The following NBAS variants were observed in gnomAD, a reference collection of about 807,000 sequenced individuals.
NBAS encodes NBAS subunit of NRZ tethering complex.
A neutral mutation model predicts 302.5 loss-of-function variants in NBAS; 219 were observed. That is an observed-to-expected ratio of 0.72 (90% CI 0.65 to 0.81). NBAS has a LOEUF of 0.81. NBAS is among the 30% of genes least tolerant of loss of function. NBAS has a pLI of 0.00. For synonymous variants in NBAS, 1,118 were observed against 1,021.6 expected (o/e 1.09, Z -1.80); for missense variants, 2,932 against 2,841.6 (o/e 1.03, Z -0.72).
the NBAS span, among the ~76,000 whole-genome samples, chr2:15,100,903 A>C: frequency 6.6e-6 from 1 of 152,244 alleles, no homozygotes. Flanking sequence ...TTCCAAATAA[A>C]GTTTCAATAG....
chr2:15,440,626 T>A (rs934337224), intron 21 of NBAS, among the ~76,000 whole-genome samples: 1 of 152,176 alleles, frequency 6.6e-6, no homozygotes, highest in Non-Finnish European at 1.5e-5. Context: ...AGGAACGCAG[T>A]TCCTCACCAG....
At chr2:15,441,070 G>C (rs1212224706) in intron 21 of NBAS, among the ~76,000 whole-genome samples, 1 of 152,130 alleles carries the variant, frequency 6.6e-6, no homozygotes, top group East Asian at 1.9e-4. Context: ...GAACCAAGTT[G>C]GAAAACATTC....
At chr2:14,943,326 A>G in the NBAS span, among the ~76,000 whole-genome samples, 2 of 152,224 alleles carry the variant, frequency 1.3e-5, no homozygotes, top group Admixed American at 6.5e-5. Flanking sequence ...TAATAATTTT[A>G]TCTTACCAAT....
intron 38 of NBAS, among the ~76,000 whole-genome samples, chr2:15,325,886 A>T (rs1672041631): frequency 6.6e-6 from 1 of 152,138 alleles, no homozygotes; most frequent in Admixed American, 6.6e-5. Flanking sequence ...TCCTTTAGAG[A>T]TATGCAACTC....
the NBAS span, among the ~76,000 whole-genome samples, chr2:15,129,272 C>T: frequency 7.2e-3 from 1,093 of 152,318 alleles, 13 homozygotes; most frequent in Non-Finnish European, 0.011. Flanking sequence ...GTCGGGTTTA[C>T]TGATCACTCA....
At chr2:15,031,557 G>A in the NBAS span, among the ~76,000 whole-genome samples, 124 of 152,332 alleles carry the variant, frequency 8.1e-4, no homozygotes, top group African/African-American at 2.9e-3. Flanking sequence ...ACAAGAGAGA[G>A]AAAAAGCTGG....
chr2:15,524,811 T>TA lies in NBAS; in HGVS notation c.746+9731dup, dbSNP rs1572967985. On this transcript the variant is annotated intron_variant, in intron 9 of 51. Transcript: ENST00000281513. ...ACCTAGGTATGCATTTTTTTTTTTT[T>TA]AATTCTCAACAGGTAATTCTGATGT... Among the ~76,000 whole-genome samples, 5 of 152,044 alleles carry TA rather than the reference T, an allele frequency of 3.3e-5. No individual in the cohort carries two copies. The South Asian group carries it at 1.0e-3, about 32-fold the overall frequency.
chr2:15,011,427 G>GC, the NBAS span, among the ~76,000 whole-genome samples: 2 of 151,938 alleles, frequency 1.3e-5, no homozygotes, highest in Non-Finnish European at 2.9e-5. Context: ...ATCAGACATG[G>GC]CCCCCCAGAC....
chr2:15,072,495 A>T, the NBAS span, among the ~76,000 whole-genome samples: 946 of 150,410 alleles, frequency 6.3e-3, 16 homozygotes, highest in African/African-American at 0.022. Flanking sequence ...GAAGATTTTT[A>T]AAAAAATTTT....
the NBAS span, among the ~76,000 whole-genome samples, chr2:15,100,575 A>C: frequency 6.6e-6 from 1 of 152,218 alleles, no homozygotes; most frequent in African/African-American, 2.4e-5. Flanking sequence ...TTAGTTGTTG[A>C]ACTTGAAGGT....
At chr2:15,037,634 AC>A in the NBAS span, among the ~76,000 whole-genome samples, 2 of 152,260 alleles carry the variant, frequency 1.3e-5, no homozygotes, top group African/African-American at 4.8e-5. Context: ...TTTGTAAATA[AC>A]AAAATGTCAA....
chr2:15,262,068 G>A (rs986840166), intron 44 of NBAS, among the ~76,000 whole-genome samples: 5 of 152,106 alleles, frequency 3.3e-5, no homozygotes, highest in Non-Finnish European at 7.4e-5. Context: ...GTGCTAATTA[G>A]CATCTGCCAT....
At chr2:15,318,508 C>T (rs992266149) in intron 38 of NBAS, among the ~76,000 whole-genome samples, 2 of 152,180 alleles carry the variant, frequency 1.3e-5, no homozygotes, top group East Asian at 3.9e-4. Context: ...ACCCATCTCA[C>T]GTGTAGAGTC....
chr2:15,028,071 GCA>G, the NBAS span, among the ~76,000 whole-genome samples: 2 of 152,010 alleles, frequency 1.3e-5, no homozygotes, highest in Non-Finnish European at 2.9e-5. Flanking sequence ...ATTCATAAAT[GCA>G]CAGTTTTAAA....
intron 6 of NBAS, among the ~76,000 whole-genome samples, chr2:15,550,185 C>T (rs1409447033): frequency 6.6e-6 from 1 of 151,966 alleles, no homozygotes; most frequent in African/African-American, 2.4e-5. Context: ...AAAAAAAGAA[C>T]AGCATTTCCA....
At chr2:15,075,942 T>C in the NBAS span, among the ~76,000 whole-genome samples, 1 of 152,354 alleles carries the variant, frequency 6.6e-6, no homozygotes, top group Middle Eastern at 3.4e-3. Context: ...TCAAACAAAA[T>C]GAACACGTTT....
the NBAS span, among the ~76,000 whole-genome samples, chr2:15,014,267 A>G: frequency 3.3e-5 from 5 of 152,168 alleles, no homozygotes; most frequent in African/African-American, 4.8e-5. Flanking sequence ...GAAACATCAA[A>G]TTTATACTGC....
intron 9 of NBAS, among the ~76,000 whole-genome samples, chr2:15,516,964 TA>T (rs1662422254): frequency 6.6e-6 from 1 of 152,188 alleles, no homozygotes; most frequent in African/African-American, 2.4e-5. Context: ...TCTTAAAAAC[TA>T]CTAGCGAGAT....
intron 16 of NBAS, 148 bp from the exon 17 acceptor site, chr2:15,468,681 G>GA: frequency 1.1e-6 from 1 of 889,168 alleles, no homozygotes; most frequent in East Asian, 2.6e-5. Flanking sequence ...GAACTCAAGA[G>GA]AAAAGCAGCC....
Sources: gnomAD v4.1 joint callset for allele counts (sites outside exome capture counted in the v4.1 genomes callset) on GRCh38, gnomAD v4.1.1 for gene constraint, MANE v1.5 for transcripts, NCBI Gene and HGNC (gene_info 2026-07-23, HGNC 2026-07-21) for gene names.